CC2D2A: variants seen among roughly 807,000 people sequenced by gnomAD.
The protein encoded by CC2D2A is coiled-coil and C2 domain-containing protein 2A.
A neutral mutation model predicts 212.9 loss-of-function variants in CC2D2A; 155 were observed. The observed-to-expected ratio is 0.73, with a 90% CI of 0.64 to 0.83. The LOEUF (loss-of-function observed/expected upper bound fraction) is 0.83. Among genes scored for constraint, CC2D2A ranks in the 40% least tolerant of loss-of-function variants. CC2D2A has a pLI of 0.00. For synonymous variants in CC2D2A, 667 were observed against 686.5 expected, an observed-to-expected ratio of 0.97 and a Z score of 0.44; for missense variants, 1,856 against 1,956.2, an observed-to-expected ratio of 0.95 and a Z score of 0.97.
At chr4:15,500,599 A>G (rs1715893156) in intron 4 of CC2D2A, among the ~76,000 whole-genome samples, 1 of 152,186 alleles carries the variant, frequency 6.6e-6, no homozygotes. Flanking sequence ...GGGGCATGAT[A>G]TAAGTAGTAT....
At chr4:15,517,926 C>T (rs974520889) in intron 11 of CC2D2A, among the ~76,000 whole-genome samples, 7 of 152,240 alleles carry the variant, frequency 4.6e-5, no homozygotes, top group Admixed American at 3.9e-4. Flanking sequence ...TTTATAAAAC[C>T]ATCAGATCTT....
At chr4:15,481,504 C>T (rs1007208988) in intron 4 of CC2D2A, 2 of 189,912 alleles carry the variant, frequency 1.1e-5, no homozygotes, top group South Asian at 1.7e-4. Flanking sequence ...GAGCAAGACT[C>T]CATCTCAGAA....
In CC2D2A at chr4:15,469,938, G is replaced by T. The variant is rs1713608375; in HGVS notation, c.-138G>T. 2 of 152,148 alleles carry T rather than the reference G, an allele frequency of 1.3e-5. No homozygotes were observed. The highest frequency in any genetic ancestry group is 4.8e-5 in the African/African-American group (2 of 41,420). 9.4% of individuals were successfully genotyped at this position (152,148 alleles called of 1,614,324 possible). On this transcript the variant is annotated 5_prime_UTR_variant, in exon 1 of 37. Coordinates refer to ENST00000424120, the MANE Select transcript of CC2D2A (RefSeq NM_001378615.1). Reference sequence around the variant, plus strand: ...CAGCTTCCCAGGGAGGAGCCCAGGGGCATCTCCAACACTCAGCCTTTCCCT... The same window carrying T: ...CAGCTTCCCAGGGAGGAGCCCAGGGTCATCTCCAACACTCAGCCTTTCCCT...
rs779343460 is a variant in CC2D2A at position 15,537,002 on chromosome 4, A to G, written c.1690A>G (p.Thr564Ala). Residue 564 changes from threonine to alanine, a missense_variant, in exon 15 of 37, where the codon ACG (threonine) becomes GCG (alanine). Thr to Ala is a moderately conservative substitution (Grantham distance 58). Around this residue, in one of 5 missense-constraint regions of CC2D2A, gnomAD observed 1,512 missense variants for 1,579.3 expected, o/e 0.96. Coordinates refer to ENST00000424120, the MANE Select transcript of CC2D2A (RefSeq NM_001378615.1). Reference protein sequence around the residue: ...AEISELLEEHTEEYAQKMEEY... With the variant: ...AEISELLEEHAEEYAQKMEEY... ...AATAAGTGAACTGTTAGAAGAGCACACGGAGGAGTACGCACAGAAGATGGA... is the reference window on the plus strand; with the variant it reads ...AATAAGTGAACTGTTAGAAGAGCACGCGGAGGAGTACGCACAGAAGATGGA... 4 of 1,613,724 alleles carry G rather than the reference A, an allele frequency of 2.5e-6. No homozygotes were observed. In the South Asian group the frequency reaches 4.4e-5, roughly 18 times the overall value.
At chr4:15,528,042 C>T (rs778949743) in intron 12 of CC2D2A, among the ~76,000 whole-genome samples, 1 of 152,226 alleles carries the variant, frequency 6.6e-6, no homozygotes, top group Non-Finnish European at 1.5e-5. Context: ...CATCGTGTAG[C>T]ACTTAAACAC....
At chr4:15,563,579 C>T (rs938570816) in intron 24 of CC2D2A, 57 bp downstream of exon 24, 2 of 1,543,782 alleles carry the variant, frequency 1.3e-6, no homozygotes, top group South Asian at 2.3e-5. Context: ...CCAAGTCAAT[C>T]GCTCCTTTAC....
rs915633910 is a variant in CC2D2A, at chr4:15,494,414, T to C, written c.248-8015T>C. On this transcript the variant is annotated intron_variant, in intron 4 of 36. Transcript: ENST00000424120. ...AGCCTGGGAGAACTAGAAAAAAAGA[T>C]AGTGACCAGAGAAGTCCCTCCAGAG... Among the ~76,000 whole-genome samples, 7 of 152,176 alleles carry C rather than the reference T, an allele frequency of 4.6e-5. No individual in the cohort carries two copies. The East Asian group carries it at 1.2e-3, about 25-fold the overall frequency.
chr4:15,517,096 C>T (rs979097901), intron 11 of CC2D2A, among the ~76,000 whole-genome samples: 9 of 151,660 alleles, frequency 5.9e-5, no homozygotes, highest in Non-Finnish European at 7.4e-5. Context: ...TACAGGTGCC[C>T]GCCACCTCGC....
At chr4:15,512,951 CAA>C (rs71649912) in intron 8 of CC2D2A, among the ~76,000 whole-genome samples, 91 of 129,462 alleles carry the variant, frequency 7.0e-4, no homozygotes, top group Admixed American at 1.0e-3. Flanking sequence ...GACTCTGTCT[CAA>C]AAAAAAAAAA....
intron 11 of CC2D2A, among the ~76,000 whole-genome samples, chr4:15,518,340 AAGAGTT>A (rs1717002595): frequency 6.6e-6 from 1 of 152,160 alleles, no homozygotes; most frequent in South Asian, 2.1e-4. Flanking sequence ...ATGCTGATGC[AAGAGTT>A]AGGTTCCCAT....
intron 5 of CC2D2A, 111 bp downstream of exon 5, chr4:15,502,628 G>T: frequency 9.2e-7 from 1 of 1,081,494 alleles, no homozygotes; most frequent in East Asian, 2.5e-5. Context: ...CATTCAATTT[G>T]TCTTTCAAGT....
intron 4 of CC2D2A, chr4:15,481,560 G>C (rs2108975067): frequency 5.3e-6 from 1 of 186,984 alleles, no homozygotes; most frequent in East Asian, 1.5e-4. Context: ...CCTCTCTCTT[G>C]CTCCCTCTCT....
chr4:15,552,500 T>C (rs1337467061), intron 18 of CC2D2A, among the ~76,000 whole-genome samples: 6 of 152,144 alleles, frequency 3.9e-5, no homozygotes, highest in Admixed American at 6.6e-5. Flanking sequence ...TCTATATACC[T>C]TCCCTAATTT....
intron 18 of CC2D2A, 125 bp from the exon 19 acceptor site, chr4:15,553,033 A>G (rs1719086548): frequency 1.4e-6 from 1 of 730,852 alleles, no homozygotes; most frequent in Non-Finnish European, 2.1e-6. Flanking sequence ...GGCTTGAATC[A>G]TGTGCTCCAT....
At chr4:15,503,318 C>T (rs1056168928) in intron 6 of CC2D2A, among the ~76,000 whole-genome samples, 2 of 152,126 alleles carry the variant, frequency 1.3e-5, no homozygotes, top group Non-Finnish European at 2.9e-5. Context: ...TTAATAATTA[C>T]AATAGCTACT....
chr4:15,567,561 GCT>G, intron 25 of CC2D2A, 79 bp downstream of exon 25: 1 of 1,358,212 alleles, frequency 7.4e-7, no homozygotes, highest in Non-Finnish European at 1.0e-6. Flanking sequence ...TGGATAGTCT[GCT>G]CTCTGCTTCA....
At chr4:15,600,655 C>T (rs1721548033) in intron 36 of CC2D2A, among the ~76,000 whole-genome samples, 1 of 152,108 alleles carries the variant, frequency 6.6e-6, no homozygotes, top group Admixed American at 6.6e-5. Context: ...GTAACCCCAG[C>T]ACTTTGGGAG....
At chr4:15,591,663 C>A (rs1417778874) in intron 33 of CC2D2A, among the ~76,000 whole-genome samples, 2 of 152,162 alleles carry the variant, frequency 1.3e-5, no homozygotes, top group Admixed American at 1.3e-4. Context: ...CTGTGGAACA[C>A]CATTCTCATG....
At chr4:15,518,200 A>G (rs891349615) in intron 11 of CC2D2A, among the ~76,000 whole-genome samples, 26 of 152,334 alleles carry the variant, frequency 1.7e-4, no homozygotes, top group African/African-American at 6.3e-4. Context: ...AAAAGTCCAT[A>G]GTCTAACATC....
Sources: gnomAD v4.1 joint callset for allele counts (sites outside exome capture counted in the v4.1 genomes callset) on GRCh38, gnomAD v4.1.1 for gene constraint, gnomAD v4.1.1 regional missense constraint, MANE v1.5 for transcripts, NCBI Gene and HGNC (gene_info 2026-07-23, HGNC 2026-07-21) for gene names.